Variants in GYS2 observed in about 807,000 individuals in gnomAD.
GYS2 encodes glycogen synthase 2.
GYS2 carries 80 observed loss-of-function variants against 85.6 expected under a neutral mutation model. That is an observed-to-expected ratio of 0.93 (90% CI 0.78 to 1.13). The LOEUF (loss-of-function observed/expected upper bound fraction) is 1.13. Ranked by LOEUF, GYS2 falls within the 50% of genes most tolerant of loss-of-function variation. The pLI, the probability that GYS2 is intolerant of heterozygous loss-of-function variation, is 0.00. For synonymous variants in GYS2, 328 were observed against 300.7 expected, an observed-to-expected ratio of 1.09 and a Z score of -0.94; for missense variants, 881 against 854.9, an observed-to-expected ratio of 1.03 and a Z score of -0.38.
At position 21,568,874 on chromosome 12, in the gene GYS2, T is replaced by C; in HGVS notation, c.814A>G (p.Arg272Gly). The change falls in exon 5 of 16, where the codon AGA becomes GGA. Residue 272 changes from arginine (R) to glycine (G), a missense_variant. Transcript: ENST00000261195. ...CAGGGATAATAATTACCAGGCTTTC[T>C]CTTCAGCATATGTTCAGCTTCTATT... ...TAIEAEHMLKRKPDVVTPNGL... is the reference protein window; with the variant it reads ...TAIEAEHMLKGKPDVVTPNGL... The C allele has an allele frequency of 1.2e-6, 2 of 1,613,134 alleles. No homozygotes were observed. Among genetic ancestry groups the C allele is most frequent in the South Asian group, 1.1e-5 (1 of 91,062 alleles).
chr12:21,589,912 A>G (rs544098962), intron 1 of GYS2, among the ~76,000 whole-genome samples: 2 of 152,220 alleles, frequency 1.3e-5, no homozygotes, highest in East Asian at 3.9e-4. Flanking sequence ...CCCCAACATC[A>G]TCTGCATCTC....
Position 21,563,316 on chromosome 12 carries a change from TA to T in GYS2, c.852del (p.Lys285ArgfsTer59). The T allele has an allele frequency of 6.2e-7, 1 of 1,608,168 alleles. No individual in the cohort carries two copies. The highest frequency in any genetic ancestry group is 8.5e-7 in the Non-Finnish European group (1 of 1,174,670). On this transcript the variant is annotated frameshift_variant, in exon 6 of 16. Coordinates refer to ENST00000261195, the MANE Select transcript of GYS2 (RefSeq NM_021957.4). LOFTEE classifies it high-confidence loss of function. ...AACTCATGCACTGCTGAAAATTTCT[TA>T]ACATTCAAGCCGTTTGGAGTAACTA... ...PDVVTPNGLN[V>X]KKFSAVHEFQ...
intron 15 of GYS2, among the ~76,000 whole-genome samples, chr12:21,538,947 T>C (rs1191163599): frequency 6.6e-6 from 1 of 152,160 alleles, no homozygotes; most frequent in Non-Finnish European, 1.5e-5. Flanking sequence ...GAGAGCAAAT[T>C]CACTTTCAAT....
At chr12:21,549,688 T>C (rs1215727818) in intron 11 of GYS2, among the ~76,000 whole-genome samples, 2 of 152,240 alleles carry the variant, frequency 1.3e-5, no homozygotes, top group East Asian at 3.8e-4. Context: ...GTCTTACGCT[T>C]CTTCATAATT....
chr12:21,592,191 AAAGG>A (rs1423116616), intron 1 of GYS2, among the ~76,000 whole-genome samples: 2 of 151,818 alleles, frequency 1.3e-5, no homozygotes, highest in Non-Finnish European at 2.9e-5. Context: ...GAAAGAAAGA[AAAGG>A]AAGGAAGGAA....
intron 5 of GYS2, among the ~76,000 whole-genome samples, chr12:21,567,760 C>A (rs562096839): frequency 3.1e-4 from 47 of 151,986 alleles, no homozygotes; most frequent in Admixed American, 8.5e-4. Flanking sequence ...TTTAGCTGAG[C>A]CTTAGGAATG....
downstream of GYS2, among the ~76,000 whole-genome samples, chr12:21,534,515 CAAAAAG>C (rs1272661811): frequency 1.9e-5 from 2 of 105,092 alleles, no homozygotes; most frequent in African/African-American, 3.8e-5. Flanking sequence ...AGACTCTTGT[CAAAAAG>C]AAAAAGAAAA....
At position 21,562,997 on chromosome 12, in the gene GYS2, A is replaced by G. The variant is rs1405709343; in HGVS notation, c.983T>C (p.Ile328Thr). The G allele has an allele frequency of 6.2e-7, 1 of 1,613,280 alleles. No individual in the cohort carries two copies. Among genetic ancestry groups the G allele is most frequent in the Non-Finnish European group, 8.5e-7 (1 of 1,179,488 alleles). The stretch of plus-strand genomic sequence containing the variant: ...GTTTGAAAACTCATACCTCCCAGCA[A>G]TGAAAAGGAACAAAGTCTTTTCAAG... ...FDLEKTLFLF[I>T]AGRYEFSNKG... Residue 328 changes from isoleucine to threonine, a missense_variant, in exon 7 of 16, where the codon ATT becomes ACT. Physicochemically the swap from Ile to Thr is moderately conservative, Grantham distance 89. Coordinates refer to ENST00000261195, the MANE Select transcript of GYS2 (RefSeq NM_021957.4).
chr12:21,586,455 CTATCT>C (rs1251555323), intron 1 of GYS2, among the ~76,000 whole-genome samples: 2 of 151,566 alleles, frequency 1.3e-5, no homozygotes, highest in Admixed American at 6.6e-5. Flanking sequence ...ATCTATCTAT[CTATCT>C]ATCTCCTATT....
At chr12:21,554,663 AG>A (rs1415962184) in intron 11 of GYS2, among the ~76,000 whole-genome samples, 1 of 152,166 alleles carries the variant, frequency 6.6e-6, no homozygotes, top group Non-Finnish European at 1.5e-5. Context: ...TCTGGAGTAG[AG>A]GAATGTGTGT....
chr12:21,544,725 CAA>C (rs1452015192), intron 12 of GYS2, among the ~76,000 whole-genome samples: 1 of 152,130 alleles, frequency 6.6e-6, no homozygotes, highest in East Asian at 1.9e-4. Flanking sequence ...TTTAGATCTG[CAA>C]GAGAGATACC....
intron 8 of GYS2, among the ~76,000 whole-genome samples, chr12:21,559,932 G>A (rs181966202): frequency 1.3e-5 from 2 of 152,294 alleles, no homozygotes; most frequent in Admixed American, 6.5e-5. Flanking sequence ...AGCACAAAGA[G>A]CTTAAAATTT....
intron 13 of GYS2, among the ~76,000 whole-genome samples, chr12:21,541,268 C>CAAAAAAAAAAAA (rs3832848): frequency 1.1e-4 from 5 of 46,350 alleles, no homozygotes; most frequent in Non-Finnish European, 1.1e-4. Context: ...ACCATGTTTC[C>CAAAAAAAAAAAA]AAAAAAAAAA....
chr12:21,549,880 T>G (rs1276636623), intron 11 of GYS2, among the ~76,000 whole-genome samples: 2 of 152,208 alleles, frequency 1.3e-5, no homozygotes, highest in African/African-American at 4.8e-5. Flanking sequence ...CTTTTTACTC[T>G]TTGTTATTAA....
rs1453718755 is a variant in GYS2, at chr12:21,574,271, G to A, written c.551C>T (p.Ala184Val). The A allele has an allele frequency of 6.2e-7, 1 of 1,613,570 alleles. No individual in the cohort carries two copies. Among genetic ancestry groups the A allele is most frequent in the African/African-American group, 1.3e-5 (1 of 75,006 alleles). Residue 184 changes from alanine to valine, a missense_variant, in exon 4 of 16, where the codon GCT becomes GTT. Physicochemically the swap from Ala to Val is moderately conservative, Grantham distance 64. Coordinates refer to ENST00000261195, the MANE Select transcript of GYS2 (RefSeq NM_021957.4). ...YVVAQFHEWQAGIGLILSRAR... is the reference protein window; with the variant it reads ...YVVAQFHEWQVGIGLILSRAR... ...TCGAGAAAGGATCAGTCCAATTCCA[G>A]CCTGCCATTCATGGAATTGGGCAAC...
At chr12:21,559,844 T>A in intron 8 of GYS2, 134 bp from the exon 9 acceptor site, 1 of 689,800 alleles carries the variant, frequency 1.4e-6, no homozygotes, top group Non-Finnish European at 2.5e-6. Flanking sequence ...TTTTTTATAG[T>A]CTCTTCTATT....
At position 21,563,228 on chromosome 12, in the gene GYS2, C is replaced by G. The variant is rs1361464285; in HGVS notation, c.941G>C (p.Gly314Ala). The G allele has an allele frequency of 1.3e-6, 2 of 1,545,228 alleles. No homozygotes were observed. The highest frequency in any genetic ancestry group is 1.4e-5 in the African/African-American group (1 of 73,540). The change falls in exon 6 of 16, where the codon GGT (glycine) becomes GCT (alanine). Residue 314 changes from glycine (G) to alanine (A), a missense_variant and splice_region_variant. By Grantham distance (60) the Gly-to-Ala change is moderately conservative (BLOSUM62 0). Coordinates refer to ENST00000261195, the MANE Select transcript of GYS2 (RefSeq NM_021957.4). Reference sequence around the variant, plus strand: ...TTCTTTTTAATAAAGAAAATCATACCCATAGAAATGACCTCGAACAAAATC... The same window carrying G: ...TTCTTTTTAATAAAGAAAATCATACGCATAGAAATGACCTCGAACAAAATC... ...IQDFVRGHFY[G>A]HLDFDLEKTL... is the part of the protein sequence containing the mutation.
chr12:21,580,540 A>C lies in GYS2; in HGVS notation c.122-17T>G, dbSNP rs898386103. 1 of 1,597,138 alleles carries C rather than the reference A, an allele frequency of 6.3e-7. No individual in the cohort carries two copies. On this transcript the variant is annotated splice_polypyrimidine_tract_variant and intron_variant, in intron 1 of 15. Transcript: ENST00000261195. The stretch of plus-strand genomic sequence containing the variant: ...TGCCTCCAACTGTTAAAAGGAAAAA[A>C]GTTTCTATTATCATTCAGGTTAGCA...
intron 7 of GYS2, 121 bp downstream of exon 7, chr12:21,562,797 T>G: frequency 1.8e-5 from 19 of 1,073,418 alleles, no homozygotes; most frequent in Non-Finnish European, 2.4e-5. Context: ...GAAGCCATTT[T>G]TAGAATACGA....
Sources: allele counts gnomAD v4.1 joint callset (sites outside exome capture counted in the v4.1 genomes callset), GRCh38; gene constraint gnomAD v4.1.1; transcripts MANE v1.5; gene names NCBI Gene and HGNC (gene_info 2026-07-23, HGNC 2026-07-21).